The following ZNF800 variants were observed in gnomAD, a reference collection of about 807,000 sequenced individuals.
ZNF800 encodes zinc finger protein 800.
ZNF800 carries 13 observed loss-of-function variants against 59.5 expected under a neutral mutation model. That is an observed-to-expected ratio of 0.22 (90% CI 0.14 to 0.35). The LOEUF is 0.35. Among genes scored for constraint, ZNF800 ranks in the 10% least tolerant of loss-of-function variants. ZNF800 has a pLI of 1.00. For missense variants in ZNF800, 621 were observed against 783.7 expected (o/e 0.79, Z 2.48); for synonymous variants, 266 against 265.7 (o/e 1.00, Z -0.01).
chr7:127,389,581 A>G (rs1324295249), intron 2 of ZNF800, among the ~76,000 whole-genome samples: 1 of 152,092 alleles, frequency 6.6e-6, no homozygotes, highest in Non-Finnish European at 1.5e-5. Context: ...TATCCTACCC[A>G]CTCAGCATAT....
At chr7:127,360,121 G>A (rs1221631029) in intron 1 of ZNF800, 9 of 151,964 alleles carry the variant, frequency 5.9e-5, no homozygotes, top group Admixed American at 5.9e-4. Context: ...TAAGGTTTGA[G>A]GTTCTTTGGT....
chr7:127,383,355 T>C (rs1199686599), intron 3 of ZNF800, among the ~76,000 whole-genome samples: 1 of 152,234 alleles, frequency 6.6e-6, no homozygotes. Context: ...ACCTGATTTA[T>C]ACCCTACAGG....
At chr7:127,389,612 C>A (rs947993793) in intron 2 of ZNF800, among the ~76,000 whole-genome samples, 8 of 152,130 alleles carry the variant, frequency 5.3e-5, no homozygotes, top group Non-Finnish European at 8.8e-5. Context: ...GAAATAATGA[C>A]AATGAACTAC....
intron 3 of ZNF800, among the ~76,000 whole-genome samples, chr7:127,382,059 T>C (rs1316160636): frequency 2.6e-5 from 4 of 151,926 alleles, no homozygotes; most frequent in African/African-American, 9.7e-5. Flanking sequence ...TCCCTAAGAG[T>C]CAAAAAAAGA....
Position 127,386,111 on chromosome 7 carries a change from G to T in ZNF800, c.106C>A (p.Leu36Ile), listed in dbSNP as rs1473322857. ...TGAATACCAGATTTGGATGTCTGTAGTGGTTGCTGTAACAAAGGAGGATCT... is the reference window on the plus strand; with the variant it reads ...TGAATACCAGATTTGGATGTCTGTATTGGTTGCTGTAACAAAGGAGGATCT... ...PGDPPLLQQP[L>I]QTSKSGIQQI... Residue 36 changes from leucine to isoleucine, a missense_variant, in exon 3 of 6, where the codon CTA (leucine) becomes ATA (isoleucine). Physicochemically the swap from Leu to Ile is conservative, Grantham distance 5. Transcript: ENST00000265827. 6.2e-7 allele frequency: 1 copy of T among 1,611,860 alleles called. No homozygotes were observed.
intron 1 of ZNF800, among the ~76,000 whole-genome samples, chr7:127,356,421 T>A (rs768566204): frequency 9.2e-5 from 14 of 152,008 alleles, no homozygotes; most frequent in Non-Finnish European, 1.8e-4. Flanking sequence ...GCAAATGAAG[T>A]CCTCAATGCA....
chr7:127,347,104 C>T (rs998825775), exon 2 of ZNF800: 17 of 152,360 alleles, frequency 1.1e-4, no homozygotes, highest in African/African-American at 3.9e-4. Context: ...AGCAGGAGAT[C>T]TGAGAGGCCA....
At chr7:127,390,917 T>A (rs1801291495) in intron 2 of ZNF800, among the ~76,000 whole-genome samples, 1 of 152,256 alleles carries the variant, frequency 6.6e-6, no homozygotes, top group African/African-American at 2.4e-5. Flanking sequence ...CTGGAAATAA[T>A]TATGTATTCT....
intron 3 of ZNF800, among the ~76,000 whole-genome samples, chr7:127,379,852 ACCC>A (rs1562907479): frequency 6.2e-5 from 1 of 16,164 alleles, no homozygotes; most frequent in Non-Finnish European, 1.2e-4. Flanking sequence ...CCACCCCCCC[ACCC>A]CCCCCACACA....
At chr7:127,365,133 A>G (rs1276298944), downstream of ZNF800, among the ~76,000 whole-genome samples, 3 of 152,152 alleles carry the variant, frequency 2.0e-5, no homozygotes, top group African/African-American at 7.2e-5. Flanking sequence ...ATGCACACCC[A>G]TATAGCATGC....
intron 1 of ZNF800, among the ~76,000 whole-genome samples, chr7:127,353,129 A>G (rs1413053849): frequency 6.6e-6 from 1 of 152,198 alleles, no homozygotes. Context: ...TAGAACTTGG[A>G]CATATAAACT....
At chr7:127,358,822 G>A (rs13246300) in intron 1 of ZNF800, among the ~76,000 whole-genome samples, 19,729 of 152,148 alleles carry the variant, frequency 0.13, 1,628 homozygotes, top group Middle Eastern at 0.2. Flanking sequence ...CTCGCACGAA[G>A]CAGGAGCTTA....
chr7:127,359,611 G>A (rs1320761221), intron 1 of ZNF800, among the ~76,000 whole-genome samples: 2 of 152,096 alleles, frequency 1.3e-5, no homozygotes, highest in Non-Finnish European at 2.9e-5. Context: ...CTTCAGAGTT[G>A]AGTGTTATTT....
chr7:127,391,405 T>C, intron 2 of ZNF800, 92 bp downstream of exon 2: 2 of 1,234,220 alleles, frequency 1.6e-6, no homozygotes, highest in Non-Finnish European at 2.4e-6. Context: ...TAAGAATGAC[T>C]ACTGGGGCAG....
intron 1 of ZNF800, among the ~76,000 whole-genome samples, chr7:127,356,584 T>C (rs1800275213): frequency 6.6e-6 from 1 of 151,908 alleles, no homozygotes; most frequent in South Asian, 2.1e-4. Flanking sequence ...AAAATGATGT[T>C]TAAACAAAAA....
intron 5 of ZNF800, among the ~76,000 whole-genome samples, chr7:127,372,383 G>A (rs1800655751): frequency 1.3e-5 from 2 of 151,570 alleles, no homozygotes; most frequent in South Asian, 4.2e-4. Flanking sequence ...GGGAGGCTGA[G>A]GCAGGAGAAT....
At chr7:127,350,695 T>C (rs10226106) in intron 1 of ZNF800, among the ~76,000 whole-genome samples, 97,494 of 152,002 alleles carry the variant, frequency 0.64, 31,740 homozygotes, top group East Asian at 0.86. Flanking sequence ...TTCTGTCTGG[T>C]TAGAGAAAAA....
At chr7:127,352,551 T>G (rs749785177) in intron 1 of ZNF800, among the ~76,000 whole-genome samples, 19 of 152,224 alleles carry the variant, frequency 1.2e-4, no homozygotes, top group Non-Finnish European at 2.4e-4. Flanking sequence ...CACTGGTTGC[T>G]GAGAGCTGAT....
intron 4 of ZNF800, among the ~76,000 whole-genome samples, chr7:127,376,248 A>C (rs149248045): frequency 2.6e-5 from 4 of 152,064 alleles, no homozygotes; most frequent in African/African-American, 9.6e-5. Flanking sequence ...AGCCATACTT[A>C]TTTGGAGATT....
Sources: allele counts gnomAD v4.1 joint callset (sites outside exome capture counted in the v4.1 genomes callset), GRCh38; gene constraint gnomAD v4.1.1; transcripts MANE v1.5; gene names NCBI Gene and HGNC (gene_info 2026-07-23, HGNC 2026-07-21).